TAF6: variants seen among roughly 807,000 people sequenced by gnomAD.
TAF6 encodes the protein TATA-box binding protein associated factor 6, also known as transcription initiation factor TFIID subunit 6.
Under a neutral mutation model 73.5 loss-of-function variants are expected in TAF6, and 50 were observed. The observed-to-expected ratio is 0.68, with a 90% CI of 0.54 to 0.86. The LOEUF is 0.86. Among genes scored for constraint, TAF6 ranks in the 40% least tolerant of loss-of-function variants. TAF6 has a pLI of 0.00. For synonymous variants in TAF6, 424 were observed against 376.7 expected, an observed-to-expected ratio of 1.13 and a Z score of -1.45; for missense variants, 768 against 899.5, an observed-to-expected ratio of 0.85 and a Z score of 1.87.
At chr7:100,111,489 G>A (rs1367755504) in intron 9 of TAF6, among the ~76,000 whole-genome samples, 168 bp from the exon 10 acceptor site, 1 of 152,094 alleles carries the variant, frequency 6.6e-6, no homozygotes, top group Non-Finnish European at 1.5e-5. Context: ...GGTAGCTGGG[G>A]CCACAGGTGT....
chr7:100,112,761 G>A (rs1391776080), intron 6 of TAF6, 37 bp downstream of exon 6: 2 of 1,556,000 alleles, frequency 1.3e-6, no homozygotes, highest in African/African-American at 1.4e-5. Flanking sequence ...GTGGCTTTGG[G>A]CAAGAGTCCA....
At chr7:100,122,293 A>C (rs762907281), upstream of TAF6, 2 of 1,613,990 alleles carry the variant, frequency 1.2e-6, no homozygotes, top group African/African-American at 2.7e-5. Flanking sequence ...TACAGGCGGA[A>C]CTGAGTCGCA....
In TAF6 at chr7:100,107,502, G is replaced by A; in HGVS notation, c.1778C>T (p.Pro593Leu). The change falls in exon 15 of 15, where the codon CCC becomes CTC. Residue 593 changes from proline to leucine, a missense_variant. This residue lies in a region of TAF6 where 350 missense variants were observed against 352.3 expected (regional missense o/e 0.99). Transcript: ENST00000453269. ...KLVSTATTAPPSTAPSGPGSV... is the reference protein window; with the variant it reads ...KLVSTATTAPLSTAPSGPGSV... ...CCCAGGACCAGAGGGAGCAGTGCTGGGGGGTGCGGTGGTGGCGGTGGAGAC... is the reference window on the plus strand; with the variant it reads ...CCCAGGACCAGAGGGAGCAGTGCTGAGGGGTGCGGTGGTGGCGGTGGAGAC... 10 of 1,614,154 alleles carry A rather than the reference G, an allele frequency of 6.2e-6. No homozygotes were observed. Among genetic ancestry groups the A allele is most frequent in the Non-Finnish European group, 8.5e-6 (10 of 1,180,004 alleles).
chr7:100,115,186 C>T (rs888754817), intron 1 of TAF6: 15 of 152,104 alleles, frequency 9.9e-5, no homozygotes, highest in African/African-American at 3.6e-4. Context: ...TTCTGTTACA[C>T]CTCAGGGCTT....
chr7:100,121,116 ATTTTTTTTTTTTTTTTTTT>A (rs1163501525), upstream of TAF6: 4 of 52,772 alleles, frequency 7.6e-5, no homozygotes, highest in African/African-American at 9.7e-5. Flanking sequence ...ATATATATAT[ATTTTTTTTTTTTTTTTTTT>A]TTTTTTTTTT....
At chr7:100,112,698 G>C (rs4134905) in intron 6 of TAF6, 100 bp downstream of exon 6, 7 of 1,457,954 alleles carry the variant, frequency 4.8e-6, no homozygotes, top group East Asian at 2.4e-5. Flanking sequence ...CTGGGTGACA[G>C]AGTGAGACTC....
rs770017201 is a variant in TAF6 at position 100,111,135 on chromosome 7, T to C, written c.1083+4A>G. The stretch of plus-strand genomic sequence containing the variant: ...CAAATGACGCTCAAGTTTTCCTGGC[T>C]CACCTTGGTGAAGGTCTTGGTGATC... On this transcript the variant is annotated splice_donor_region_variant and intron_variant, in intron 10 of 14. Transcript: ENST00000453269. 11 of 1,611,028 alleles carry C rather than the reference T, an allele frequency of 6.8e-6. No individual in the cohort carries two copies. Among genetic ancestry groups the C allele is most frequent in the Non-Finnish European group, 9.3e-6 (11 of 1,177,290 alleles).
upstream of TAF6, chr7:100,121,112 A>AT (rs1798040006): frequency 7.5e-4 from 23 of 30,714 alleles, no homozygotes; most frequent in South Asian, 1.2e-3. Flanking sequence ...ATATATATAT[A>AT]TATATTTTTT....
At chr7:100,108,284 CAT>C (rs1490221613) in intron 13 of TAF6, 81 bp downstream of exon 13, 57 of 1,505,196 alleles carry the variant, frequency 3.8e-5, no homozygotes, top group Non-Finnish European at 4.7e-5. Context: ...ACTGAGGGCA[CAT>C]GTGGCTGTGT....
chr7:100,122,594 G>C, upstream of TAF6: 1 of 1,580,854 alleles, frequency 6.3e-7, no homozygotes, highest in Non-Finnish European at 8.6e-7. Flanking sequence ...CCCTTCCCCA[G>C]GGCAGGACCC....
intron 10 of TAF6, among the ~76,000 whole-genome samples, 155 bp downstream of exon 10, chr7:100,110,979 CAAAAA>C (rs11367015): frequency 7.7e-6 from 1 of 129,852 alleles, no homozygotes; most frequent in Non-Finnish European, 1.7e-5. Context: ...GACTCCATCT[CAAAAA>C]AAAAAAAAAA....
chr7:100,107,618 C>T lies in TAF6; in HGVS notation c.1662G>A (p.Leu554=). ...AGCCGGGGGCCGAGGTGCTGAGGGA[C>T]AGGACCTGGATAGAAAGGAAAGGCA... ...SSSAPSTQQV[L]SLSTSAPGSG... is the part of the protein sequence containing the mutation. Residue 554 remains leucine, a synonymous_variant, in exon 15 of 15, where the codon CTG becomes CTA. Transcript: ENST00000453269. 6.2e-7 allele frequency: 1 copy of T among 1,612,626 alleles called. No individual in the cohort carries two copies. The highest frequency in any genetic ancestry group is 8.5e-7 in the Non-Finnish European group (1 of 1,179,622).
chr7:100,114,076 T>G lies in TAF6; in HGVS notation c.134A>C (p.Tyr45Ser). The part of the protein sequence containing the change: ...TCQLLTDEVS[Y>S]RIKEIAQDAL... ...CACCTGTGCGATCTCTTTGATGCGG[T>G]AGCTGACCTCATCCGTTAGCAGCTG... is the stretch of plus-strand genomic sequence containing the variant. The change falls in exon 2 of 15, where the codon TAC becomes TCC. Residue 45 changes from tyrosine (Y) to serine (S), a missense_variant. This residue lies in a region of TAF6 where 269 missense variants were observed against 268.0 expected (regional missense o/e 1.00). Coordinates refer to ENST00000453269, the MANE Select transcript of TAF6 (RefSeq NM_139315.3). 2.5e-6 allele frequency: 4 copies of G among 1,614,178 alleles called. No homozygotes were observed. Among genetic ancestry groups the G allele is most frequent in the Non-Finnish European group, 3.4e-6 (4 of 1,180,034 alleles).
the TAF6 span, chr7:100,127,003 T>C: frequency 5.5e-6 from 1 of 182,068 alleles, no homozygotes; most frequent in Non-Finnish European, 1.2e-5. The surrounding 1 kb of genome is among the most constrained non-coding windows in gnomAD (Gnocchi z 4.6). Context: ...GGACAAACTC[T>C]CACCCGCGTT....
At chr7:100,111,618 C>T (rs770473900) in intron 9 of TAF6, 110 bp downstream of exon 9, 12 of 1,197,302 alleles carry the variant, frequency 1.0e-5, no homozygotes, top group Non-Finnish European at 1.2e-5. Flanking sequence ...CCACTTCGGC[C>T]TCCCAAAGTT....
chr7:100,109,643 C>T (rs199845157), intron 12 of TAF6, among the ~76,000 whole-genome samples: 1 of 150,518 alleles, frequency 6.6e-6, no homozygotes, highest in Non-Finnish European at 1.5e-5. Flanking sequence ...ACCACAGACA[C>T]GTCACCACTC....
upstream of TAF6, among the ~76,000 whole-genome samples, chr7:100,124,092 C>T (rs1000697193): frequency 6.6e-6 from 1 of 151,320 alleles, no homozygotes; most frequent in African/African-American, 2.4e-5. Context: ...AGCTGAGATC[C>T]CACCACTGCA....
upstream of TAF6, chr7:100,119,831 T>A (rs758790022): frequency 1.2e-6 from 2 of 1,613,704 alleles, no homozygotes; most frequent in Non-Finnish European, 1.7e-6. Context: ...AGGAGGACGA[T>A]GACACAGAAC....
upstream of TAF6, chr7:100,121,150 T>TC (rs1798053479): frequency 1.0e-5 from 1 of 95,990 alleles, no homozygotes; most frequent in Non-Finnish European, 2.2e-5. Context: ...TTTTTTTTTT[T>TC]CTCTTTTCAG....
Sources: allele counts gnomAD v4.1 joint callset (sites outside exome capture counted in the v4.1 genomes callset), GRCh38; gene constraint gnomAD v4.1.1; regional missense constraint gnomAD v4.1.1; non-coding constraint Gnocchi (gnomAD v3.1); transcripts MANE v1.5; gene names NCBI Gene and HGNC (gene_info 2026-07-23, HGNC 2026-07-21).